The following UTY variants were observed in gnomAD, a reference collection of about 807,000 sequenced individuals.
The protein encoded by UTY is ubiquitously transcribed tetratricopeptide repeat containing, Y-linked.
A neutral mutation model predicts 32.5 loss-of-function variants in UTY; 12 were observed. That is an observed-to-expected ratio of 0.37 (90% CI 0.24 to 0.60). UTY has a LOEUF of 0.60. UTY is among the 20% of genes least tolerant of loss of function. The probability of loss-of-function intolerance (pLI) is 0.69; values close to 1 mark genes in which losing one functional copy is unlikely to be tolerated. For synonymous variants in UTY, 131 were observed against 103.4 expected, an observed-to-expected ratio of 1.27 and a Z score of -1.62; for missense variants, 303 against 299.2, an observed-to-expected ratio of 1.01 and a Z score of -0.09.
intron 7 of UTY, chrY:13,396,352 A>C: frequency 2.9e-5 from 1 of 33,919 alleles, no homozygotes; most frequent in African/African-American, 1.1e-4. Flanking sequence ...TTTTTATCAC[A>C]AAGGAAAATC....
intron 28 of UTY, among the ~76,000 whole-genome samples, chrY:13,256,738 C>A: frequency 3.0e-5 from 1 of 33,701 alleles, no homozygotes; most frequent in Non-Finnish European, 7.4e-5. Context: ...GTGGTTCATT[C>A]CACACAGTTA....
chrY:13,442,403 C>A (rs2075287657), intron 4 of UTY, among the ~76,000 whole-genome samples: 1 of 32,595 alleles, frequency 3.1e-5, no homozygotes, highest in Non-Finnish European at 7.5e-5. Flanking sequence ...CATTAGGCAG[C>A]TGTCTAATAC....
downstream of UTY, among the ~76,000 whole-genome samples, chrY:13,246,916 C>T: frequency 3.7e-5 from 1 of 27,333 alleles, no homozygotes; most frequent in Non-Finnish European, 8.4e-5. Flanking sequence ...AAGCAGAAGC[C>T]GAGATTTCTG....
chrY:13,448,704 TAAATC>T (rs2076101457), intron 4 of UTY, among the ~76,000 whole-genome samples: 1 of 33,639 alleles, frequency 3.0e-5, no homozygotes, highest in Admixed American at 2.7e-4. Context: ...CAAAAAATAA[TAAATC>T]AAAATAAATG....
At chrY:13,446,551 G>GAGAGAGATAGAT (rs2075764520) in intron 4 of UTY, among the ~76,000 whole-genome samples, 1 of 10,388 alleles carries the variant, frequency 9.6e-5, no homozygotes. Context: ...GTAACAGTGT[G>GAGAGAGATAGAT]AGATAGATAG....
intron 3 of UTY, among the ~76,000 whole-genome samples, chrY:13,469,738 C>T: frequency 3.0e-5 from 1 of 33,282 alleles, no homozygotes; most frequent in Admixed American, 2.8e-4. Flanking sequence ...TAAAGAAAAT[C>T]GAGAAATCAA....
At chrY:13,255,298 G>A in intron 28 of UTY, among the ~76,000 whole-genome samples, 1 of 33,413 alleles carries the variant, frequency 3.0e-5, no homozygotes, top group Non-Finnish European at 7.4e-5. Context: ...AATGGGTTAT[G>A]TCCCTGGTAT....
intron 27 of UTY, among the ~76,000 whole-genome samples, chrY:13,264,903 A>G: frequency 3.0e-5 from 1 of 33,327 alleles, no homozygotes; most frequent in Non-Finnish European, 7.4e-5. Context: ...TTTAATCCAT[A>G]TGAGTTAATT....
intron 27 of UTY, among the ~76,000 whole-genome samples, chrY:13,265,084 G>A (rs764344604): frequency 1.2e-4 from 4 of 33,145 alleles, no homozygotes; most frequent in Admixed American, 1.1e-3. Context: ...GCTTCTGTTC[G>A]GTTTCATTCA....
At chrY:13,253,899 C>G in intron 28 of UTY, among the ~76,000 whole-genome samples, 1 of 32,880 alleles carries the variant, frequency 3.0e-5, no homozygotes, top group Non-Finnish European at 7.4e-5. Context: ...AGATGCACAA[C>G]TGGTCATGCG....
chrY:13,421,256 ATACT>A (rs2072488746), intron 4 of UTY, among the ~76,000 whole-genome samples: 2 of 33,478 alleles, frequency 6.0e-5, no homozygotes, highest in Admixed American at 2.7e-4. Context: ...AGAAAAGAGA[ATACT>A]TACACACCCT....
intron 28 of UTY, among the ~76,000 whole-genome samples, chrY:13,235,241 C>T (rs2053839471): frequency 5.9e-5 from 2 of 33,622 alleles, no homozygotes. Context: ...CAGACACCTC[C>T]AAGCCTGTGG....
intron 8 of UTY, among the ~76,000 whole-genome samples, chrY:13,378,283 A>G: frequency 3.0e-5 from 1 of 33,128 alleles, no homozygotes; most frequent in South Asian, 6.5e-4. Flanking sequence ...CATCCAACTG[A>G]TATGTCAATA....
intron 8 of UTY, among the ~76,000 whole-genome samples, chrY:13,383,941 A>T: frequency 2.9e-5 from 1 of 34,135 alleles, no homozygotes; most frequent in Non-Finnish European, 7.3e-5. Context: ...CTTGAGAGGC[A>T]ATTTGCCAAA....
Position 13,324,446 on chromosome Y carries a change from C to T in UTY, c.3070+155G>A, listed in dbSNP as rs371821170. ...TGCATCAGTGCTAAAGATGCTTGCT[C>T]ATGCACAAGAGGTATAAAATTGAGT... On this transcript the variant is annotated intron_variant, in intron 20 of 29. Coordinates refer to ENST00000545955, the MANE Select transcript of UTY (RefSeq NM_001258249.2). 2.1e-4 allele frequency among the ~76,000 whole-genome samples: 7 copies of T among 33,068 alleles called. No individual in the cohort carries two copies. The East Asian group carries it at 2.3e-3, about 11-fold the overall frequency. The allele number at this position is 33,068 out of a possible 37,273, so 88.7% of individuals were successfully genotyped here.
intron 4 of UTY, among the ~76,000 whole-genome samples, chrY:13,424,187 C>A: frequency 6.1e-5 from 2 of 32,818 alleles, no homozygotes; most frequent in Non-Finnish European, 1.5e-4. Context: ...GTGGACAGAT[C>A]ACGAGGTCGG....
chrY:13,254,571 C>T (rs1033966086), intron 28 of UTY, among the ~76,000 whole-genome samples: 1 of 32,603 alleles, frequency 3.1e-5, no homozygotes, highest in Admixed American at 2.8e-4. Context: ...GTCTGTCCCC[C>T]GCCACAGCTG....
At chrY:13,438,815 C>A (rs979333327) in intron 4 of UTY, among the ~76,000 whole-genome samples, 1 of 33,044 alleles carries the variant, frequency 3.0e-5, no homozygotes, top group Non-Finnish European at 7.4e-5. Context: ...GATTTTAAGT[C>A]AGGTGAGGGA....
At chrY:13,451,934 G>A in intron 3 of UTY, among the ~76,000 whole-genome samples, 1 of 33,623 alleles carries the variant, frequency 3.0e-5, no homozygotes, top group Non-Finnish European at 7.3e-5. Flanking sequence ...TAATAAGGAA[G>A]ACTGGAATAA....
Sources: allele counts gnomAD v4.1 joint callset (sites outside exome capture counted in the v4.1 genomes callset), GRCh38; gene constraint gnomAD v4.1.1; transcripts MANE v1.5; gene names NCBI Gene and HGNC (gene_info 2026-07-23, HGNC 2026-07-21).